The following CNKSR2 variants were observed in gnomAD, a reference collection of about 807,000 sequenced individuals.
CNKSR2 encodes the protein CNK homolog protein 2.
Under a neutral mutation model 84.4 loss-of-function variants are expected in CNKSR2, and 14 were observed. The observed-to-expected ratio is 0.17, with a 90% CI of 0.11 to 0.26. The LOEUF (loss-of-function observed/expected upper bound fraction) is 0.26, where lower values mean the gene tolerates loss of function less well. CNKSR2 is among the 10% of genes least tolerant of loss of function. CNKSR2 has a pLI of 1.00. For synonymous variants in CNKSR2, 275 were observed against 277.9 expected (o/e 0.99, Z 0.10); for missense variants, 485 against 771.2 (o/e 0.63, Z 4.40).
At chrX:21,491,410 A>C (rs770509221) in intron 6 of CNKSR2, 1 of 112,318 alleles carries the variant, frequency 8.9e-6, no homozygotes, top group East Asian at 2.8e-4. Flanking sequence ...TAGCATTAAT[A>C]ATTGAATTCA....
intron 4 of CNKSR2, among the ~76,000 whole-genome samples, chrX:21,460,768 G>A (rs1483645670): frequency 9.0e-6 from 1 of 111,032 alleles, no homozygotes; most frequent in African/African-American, 3.3e-5. Context: ...TTGATTTTTA[G>A]ATCCTGCAAA....
intron 4 of CNKSR2, among the ~76,000 whole-genome samples, chrX:21,441,899 T>C (rs1371360010): frequency 8.9e-6 from 1 of 111,891 alleles, no homozygotes; most frequent in Non-Finnish European, 1.9e-5. Context: ...TCATTCAGCT[T>C]TAATTATTTT....
chrX:21,618,469 C>T (rs1049019358), intron 20 of CNKSR2, among the ~76,000 whole-genome samples: 2 of 111,926 alleles, frequency 1.8e-5, no homozygotes, highest in African/African-American at 6.5e-5. Context: ...TACTTGAAAA[C>T]TTAGAGCAGC....
intron 11 of CNKSR2, among the ~76,000 whole-genome samples, chrX:21,546,339 T>G (rs1238422759): frequency 9.2e-6 from 1 of 108,612 alleles, no homozygotes; most frequent in East Asian, 3.0e-4. Flanking sequence ...GAAGATCAAC[T>G]TAATGAAATA....
chrX:21,497,776 CT>C lies in CNKSR2; in HGVS notation c.682-6del. On this transcript the variant is annotated splice_polypyrimidine_tract_variant and intron_variant, in intron 6 of 21. Coordinates refer to ENST00000379510, the MANE Select transcript of CNKSR2 (RefSeq NM_014927.5). The stretch of plus-strand genomic sequence containing the variant: ...GCTTCACTTTCTTTTCTGATGCTGT[CT>C]TTTTCTTAGGGTATGTATATTAAAT... 2 of 827,976 alleles carry C rather than the reference CT, an allele frequency of 2.4e-6. No homozygotes were observed. The highest frequency in any genetic ancestry group is 3.6e-6 in the Non-Finnish European group (2 of 549,940). The allele number at this position is 827,976 out of a possible 1,213,427, so 68.2% of individuals were successfully genotyped here. A position where few individuals can be genotyped will look rare whatever the true frequency, so the allele number is the denominator to read the frequency against.
chrX:21,546,687 G>A (rs898601940), intron 11 of CNKSR2, among the ~76,000 whole-genome samples: 8 of 111,072 alleles, frequency 7.2e-5, no homozygotes, highest in South Asian at 7.7e-4. Context: ...GAGAAAGGTC[G>A]GGTTACCCAC....
intron 1 of CNKSR2, among the ~76,000 whole-genome samples, chrX:21,413,505 A>G (rs1270158246): frequency 1.8e-5 from 2 of 110,612 alleles, no homozygotes; most frequent in Admixed American, 9.6e-5. Context: ...ATTATTCACT[A>G]TAGTCAGTCG....
intron 20 of CNKSR2, among the ~76,000 whole-genome samples, chrX:21,630,447 G>A (rs192288517): frequency 1.1e-4 from 12 of 111,403 alleles, no homozygotes; most frequent in East Asian, 2.8e-4. Flanking sequence ...AGGTCTTTAC[G>A]TAATATAAGT....
chrX:21,530,964 C>G (rs958065922), intron 10 of CNKSR2, among the ~76,000 whole-genome samples: 19 of 110,158 alleles, frequency 1.7e-4, no homozygotes, highest in Admixed American at 1.4e-3. Flanking sequence ...CTTGCCATCA[C>G]CCTAAATGCC....
At chrX:21,562,617 T>C (rs965992722) in intron 12 of CNKSR2, among the ~76,000 whole-genome samples, 5 of 111,768 alleles carry the variant, frequency 4.5e-5, no homozygotes, top group Non-Finnish European at 9.4e-5. Flanking sequence ...AAGAAAAGTA[T>C]AAAAGAGAAA....
In CNKSR2 at chrX:21,630,714, CAT is replaced by C. The variant is rs60545799; in HGVS notation, c.2693-18104_2693-18103del. ...TGTATATAATACACACACACACATA[CAT>C]ATATATATATATTGACCTACATAAA... is the stretch of plus-strand genomic sequence containing the variant. On this transcript the variant is annotated intron_variant, in intron 20 of 21. Coordinates refer to ENST00000379510, the MANE Select transcript of CNKSR2 (RefSeq NM_014927.5). 1.1e-4 allele frequency among the ~76,000 whole-genome samples: 12 copies of C among 108,543 alleles called. No individual in the cohort carries two copies. The East Asian group carries it at 1.1e-3, about 10-fold the overall frequency. The allele number at this position is 108,543 out of a possible 115,157, so 94.3% of individuals were successfully genotyped here. A position where few individuals can be genotyped will look rare whatever the true frequency, so the allele number is the denominator to read the frequency against.
At chrX:21,421,287 G>GTT (rs756375947) in intron 1 of CNKSR2, among the ~76,000 whole-genome samples, 30 of 86,894 alleles carry the variant, frequency 3.5e-4, no homozygotes, top group South Asian at 5.5e-4. Flanking sequence ...ATTTAAGATG[G>GTT]TTTTTTTTTT....
chrX:21,584,013 T>C (rs1442019777), intron 13 of CNKSR2, among the ~76,000 whole-genome samples: 1 of 112,486 alleles, frequency 8.9e-6, no homozygotes, highest in Non-Finnish European at 1.9e-5. Context: ...TCTATTTTTA[T>C]GGAAAGAATT....
intron 4 of CNKSR2, among the ~76,000 whole-genome samples, chrX:21,443,138 A>C (rs1019158717): frequency 9.0e-6 from 1 of 111,060 alleles, no homozygotes; most frequent in African/African-American, 3.3e-5. Flanking sequence ...GTACCCCTGA[A>C]CCTAAAATAA....
Position 21,552,878 on chromosome X carries a change from C to G in CNKSR2, c.1304-8593C>G, listed in dbSNP as rs760611410. On this transcript the variant is annotated intron_variant, in intron 11 of 21. Coordinates refer to ENST00000379510, the MANE Select transcript of CNKSR2 (RefSeq NM_014927.5). ...AATGTCAGGTGTAATATTCAGTGTTCAAAAAGAGATAAGTAAAAATTACAC... is the reference window on the plus strand; with the variant it reads ...AATGTCAGGTGTAATATTCAGTGTTGAAAAAGAGATAAGTAAAAATTACAC... Among the ~76,000 whole-genome samples the G allele has an allele frequency of 1.5e-3, 168 of 111,242 alleles. 1 individual carries two copies. The highest frequency in any genetic ancestry group is 5.0e-3 in the African/African-American group (153 of 30,718).
chrX:21,577,181 G>A (rs1569252720), intron 13 of CNKSR2, among the ~76,000 whole-genome samples: 1 of 111,383 alleles, frequency 9.0e-6, no homozygotes, highest in East Asian at 2.8e-4. Context: ...CCTCACTCTT[G>A]AGAAAGATTT....
At chrX:21,467,123 G>A (rs2091138365) in intron 4 of CNKSR2, among the ~76,000 whole-genome samples, 2 of 111,671 alleles carry the variant, frequency 1.8e-5, no homozygotes, top group Admixed American at 9.5e-5. Context: ...GTTATAAAAA[G>A]CAGGTTACCA....
chrX:21,429,216 A>T (rs1662869866), intron 2 of CNKSR2: 1 of 112,477 alleles, frequency 8.9e-6, no homozygotes, highest in Non-Finnish European at 1.9e-5. Flanking sequence ...CTAAGTCATT[A>T]CTGGTTCTGG....
intron 5 of CNKSR2, among the ~76,000 whole-genome samples, chrX:21,489,899 G>A (rs1003838860): frequency 9.0e-6 from 1 of 111,620 alleles, no homozygotes; most frequent in Non-Finnish European, 1.9e-5. Context: ...AAATAGTTTC[G>A]CAGTTTCAGA....
Sources: allele counts gnomAD v4.1 joint callset (sites outside exome capture counted in the v4.1 genomes callset), GRCh38; gene constraint gnomAD v4.1.1; transcripts MANE v1.5; gene names NCBI Gene and HGNC (gene_info 2026-07-23, HGNC 2026-07-21).